The following HESX1 variants were observed in gnomAD, a reference collection of about 807,000 sequenced individuals.
HESX1 encodes homeobox expressed in ES cells 1.
Under a neutral mutation model 22.5 loss-of-function variants are expected in HESX1, and 11 were observed. That is an observed-to-expected ratio of 0.49 (90% CI 0.31 to 0.81). HESX1 has a LOEUF of 0.81. HESX1 is among the 30% of genes least tolerant of loss of function. The pLI is 0.05. For synonymous variants in HESX1, 74 were observed against 76.5 expected, an observed-to-expected ratio of 0.97 and a Z score of 0.17; for missense variants, 201 against 212.6, an observed-to-expected ratio of 0.95 and a Z score of 0.34.
In HESX1 at chr3:57,198,374, C is replaced by A; in HGVS notation, c.459+17G>T. On this transcript the variant is annotated intron_variant, in intron 3 of 3. Coordinates refer to ENST00000295934, the MANE Select transcript of HESX1 (RefSeq NM_003865.3). Reference sequence around the variant, plus strand: ...AACATTTCAACATCATGAATAACAACTAAATTTGAAAATTACCTGGATTCT... The same window carrying A: ...AACATTTCAACATCATGAATAACAAATAAATTTGAAAATTACCTGGATTCT... 1 of 1,567,300 alleles carries A rather than the reference C, an allele frequency of 6.4e-7. No individual in the cohort carries two copies. The highest frequency in any genetic ancestry group is 8.8e-7 in the Non-Finnish European group (1 of 1,137,934).
intron 1 of HESX1, among the ~76,000 whole-genome samples, chr3:57,205,413 A>C (rs1266708962): frequency 6.6e-6 from 1 of 152,096 alleles, no homozygotes; most frequent in Non-Finnish European, 1.5e-5. Flanking sequence ...CAAACAAACA[A>C]ACACAAACAC....
At chr3:57,208,198 T>A (rs894994224) in intron 1 of HESX1, among the ~76,000 whole-genome samples, 3 of 152,248 alleles carry the variant, frequency 2.0e-5, no homozygotes, top group Non-Finnish European at 4.4e-5. Flanking sequence ...ATTACACAGC[T>A]GTATGCATTT....
intron 1 of HESX1, among the ~76,000 whole-genome samples, chr3:57,211,205 G>A: frequency 7.4e-6 from 1 of 134,734 alleles, no homozygotes; most frequent in South Asian, 2.4e-4. Flanking sequence ...GCAACAGAGT[G>A]AAACTCCATC....
chr3:57,219,753 G>A (rs1351570992), intron 1 of HESX1, among the ~76,000 whole-genome samples: 1 of 152,112 alleles, frequency 6.6e-6, no homozygotes, highest in East Asian at 1.9e-4. Flanking sequence ...TTTGTCAGAT[G>A]CATAGTTTCC....
chr3:57,202,169 T>C (rs899268540), upstream of HESX1, among the ~76,000 whole-genome samples: 3 of 152,114 alleles, frequency 2.0e-5, no homozygotes, highest in East Asian at 5.8e-4. Flanking sequence ...TCCGCCCGCT[T>C]CGGCCTCCCA....
At chr3:57,216,737 GAT>G (rs1482347152) in intron 1 of HESX1, among the ~76,000 whole-genome samples, 8 of 152,184 alleles carry the variant, frequency 5.3e-5, no homozygotes, top group Non-Finnish European at 1.0e-4. Flanking sequence ...ACATGATTTT[GAT>G]ATGTCCCATT....
upstream of HESX1, among the ~76,000 whole-genome samples, chr3:57,203,952 C>T (rs141901179): frequency 6.6e-6 from 1 of 152,186 alleles, no homozygotes; most frequent in East Asian, 1.9e-4. Context: ...ATTACAGGTG[C>T]CCAGCCCCCT....
chr3:57,199,081 C>A lies in HESX1; in HGVS notation c.158-129G>T. On this transcript the variant is annotated intron_variant, in intron 1 of 3. Transcript: ENST00000295934. ...TCTGGGGTTCACAAGAGAATTGCAC[C>A]CCGTTAACCAAAAACCAATAAAAAA... 5 of 814,832 alleles carry A rather than the reference C, an allele frequency of 6.1e-6. No individual in the cohort carries two copies. The South Asian group carries it at 6.3e-5, about 10-fold the overall frequency. The allele number at this position is 814,832 out of a possible 1,614,324, so 50.5% of individuals were successfully genotyped here. A position where few individuals can be genotyped will look rare whatever the true frequency, so the allele number is the denominator to read the frequency against.
chr3:57,199,763 T>C lies in HESX1; in HGVS notation c.156A>G (p.Ser52=). 1 of 1,614,052 alleles carries C rather than the reference T, an allele frequency of 6.2e-7. No homozygotes were observed. The highest frequency in any genetic ancestry group is 1.3e-5 in the African/African-American group (1 of 75,036). ...HRPWADTCSS[S]GKDGNLCLHV... is the part of the protein sequence containing the mutation. ...TGAAACAATTAAGCTGTGGCATACC[T>C]GATGAGCTGCAGGTGTCTGCCCAGG... The change falls in exon 1 of 4, where the codon TCA becomes TCG. Residue 52 remains serine (S), a splice_region_variant and synonymous_variant. Transcript: ENST00000295934.
At chr3:57,212,744 G>A (rs1408581668) in intron 1 of HESX1, among the ~76,000 whole-genome samples, 1 of 151,958 alleles carries the variant, frequency 6.6e-6, no homozygotes, top group Non-Finnish European at 1.5e-5. Flanking sequence ...CGTTTCTCCT[G>A]CCTGTCTTTC....
At chr3:57,203,230 A>G (rs1275094054), upstream of HESX1, among the ~76,000 whole-genome samples, 1 of 152,232 alleles carries the variant, frequency 6.6e-6, no homozygotes, top group African/African-American at 2.4e-5. Context: ...TTTGCTAAGC[A>G]TATACTACTT....
intron 1 of HESX1, among the ~76,000 whole-genome samples, chr3:57,219,754 CAT>C (rs776040208): frequency 2.6e-5 from 4 of 152,134 alleles, no homozygotes; most frequent in Non-Finnish European, 4.4e-5. Context: ...TTGTCAGATG[CAT>C]AGTTTCCAAA....
intron 1 of HESX1, among the ~76,000 whole-genome samples, chr3:57,217,888 C>G (rs920995906): frequency 2.6e-5 from 4 of 152,044 alleles, no homozygotes; most frequent in African/African-American, 4.8e-5. Context: ...CCACAGATGC[C>G]TCCTCATCTT....
intron 1 of HESX1, among the ~76,000 whole-genome samples, chr3:57,225,980 A>G (rs1320582194): frequency 6.6e-6 from 1 of 151,096 alleles, no homozygotes; most frequent in Non-Finnish European, 1.5e-5. Context: ...CCCGGCTTCA[A>G]CTGAGTCTCC....
intron 2 of HESX1, 68 bp downstream of exon 2, chr3:57,198,685 G>A (rs1402811681): frequency 1.1e-5 from 16 of 1,401,880 alleles, no homozygotes; most frequent in Non-Finnish European, 1.6e-5. Flanking sequence ...AAAGTGAGTG[G>A]GCTTTTGCTC....
rs760285806 is a variant in HESX1, at chr3:57,199,911, G to A, written c.8C>T (p.Pro3Leu). 5.6e-6 allele frequency: 9 copies of A among 1,613,846 alleles called. No homozygotes were observed. Among genetic ancestry groups the A allele is most frequent in the Non-Finnish European group, 7.6e-6 (9 of 1,179,888 alleles). Residue 3 changes from proline (P) to leucine (L), a missense_variant, in exon 1 of 4, where the codon CCC becomes CTC. Coordinates refer to ENST00000295934, the MANE Select transcript of HESX1 (RefSeq NM_003865.3). ...GAGCTGAGCGCCTTCCTGAAGGCTG[G>A]GAGACATCCTCTCGTGGTCTGCACA... Reference protein sequence around the residue: MSPSLQEGAQLGE... With the variant: MSLSLQEGAQLGE...
chr3:57,220,152 T>C (rs1188703392), intron 1 of HESX1, among the ~76,000 whole-genome samples: 1 of 152,222 alleles, frequency 6.6e-6, no homozygotes, highest in Non-Finnish European at 1.5e-5. Context: ...TGGTTGCAGG[T>C]GTGCAGCCTT....
At chr3:57,204,379 CAGAGGTT>C (rs949816407), upstream of HESX1, among the ~76,000 whole-genome samples, 15 of 152,024 alleles carry the variant, frequency 9.9e-5, no homozygotes, top group African/African-American at 3.4e-4. Flanking sequence ...CTATTTGATT[CAGAGGTT>C]AAAGAACATA....
chr3:57,218,817 T>C (rs577822079), intron 1 of HESX1, among the ~76,000 whole-genome samples: 26 of 152,348 alleles, frequency 1.7e-4, no homozygotes, highest in Non-Finnish European at 2.6e-4. Context: ...CAGTCTACCA[T>C]TGATGGACAT....
Sources: allele counts gnomAD v4.1 joint callset (sites outside exome capture counted in the v4.1 genomes callset), GRCh38; gene constraint gnomAD v4.1.1; transcripts MANE v1.5; gene names NCBI Gene and HGNC (gene_info 2026-07-23, HGNC 2026-07-21).